CTNNA2: variants seen among roughly 807,000 people sequenced by gnomAD.
CTNNA2 encodes catenin alpha 2, also known as catenin alpha-2.
A neutral mutation model predicts 101.0 loss-of-function variants in CTNNA2; 42 were observed. The ratio of observed to expected loss-of-function variants is 0.42; its 90% CI spans 0.32 to 0.54. The LOEUF (loss-of-function observed/expected upper bound fraction) is 0.54, where lower values mean the gene tolerates loss of function less well. CTNNA2 is among the 20% of genes least tolerant of loss of function. The probability of loss-of-function intolerance (pLI) is 0.14; values close to 1 mark genes in which losing one functional copy is unlikely to be tolerated. For missense variants in CTNNA2, 871 were observed against 1,223.1 expected (o/e 0.71, Z 4.29); for synonymous variants, 450 against 456.4 (o/e 0.99, Z 0.18).
rs7564915 is a variant in CTNNA2 at position 80,226,991 on chromosome 2, T to A, written c.1057-166220T>A. The stretch of plus-strand genomic sequence containing the variant: ...GGGTATGTTATCATGGATGCTAAAC[T>A]TGGGTTAACAACAGCTTTAGGATAT... On this transcript the variant is annotated intron_variant, in intron 7 of 18. Transcript: ENST00000402739. 4.6e-5 allele frequency among the ~76,000 whole-genome samples: 7 copies of A among 152,204 alleles called. No individual in the cohort carries two copies. In the East Asian group the frequency reaches 1.4e-3, roughly 29 times the overall value.
At chr2:80,508,946 T>A (rs956540705) in intron 9 of CTNNA2, among the ~76,000 whole-genome samples, 3 of 152,208 alleles carry the variant, frequency 2.0e-5, no homozygotes, top group African/African-American at 7.2e-5. Context: ...TTCGTTTATT[T>A]GATATTCATT....
intron 7 of CTNNA2, among the ~76,000 whole-genome samples, chr2:80,087,422 G>A (rs1212600804): frequency 3.9e-5 from 6 of 152,026 alleles, no homozygotes; most frequent in Admixed American, 2.6e-4. Flanking sequence ...ACAAGGAAAC[G>A]GGTCAAACCA....
intron 3 of CTNNA2, among the ~76,000 whole-genome samples, chr2:79,857,650 G>A (rs1681243747): frequency 6.6e-6 from 1 of 152,182 alleles, no homozygotes; most frequent in South Asian, 2.1e-4. Context: ...ACTTCAATGA[G>A]TTGCATGGTA....
At chr2:80,043,014 TTTCCCTTTCTTTCTTTCTTTCTTTCC>T (rs1558754428) in intron 7 of CTNNA2, among the ~76,000 whole-genome samples, 3 of 149,408 alleles carry the variant, frequency 2.0e-5, no homozygotes, top group Non-Finnish European at 4.4e-5. Flanking sequence ...CCTTCCTTTC[TTTCCCTTTCTTTCTTTCTTTCTTTCC>T]TTCTTTCTTT....
At chr2:80,398,757 C>G (rs560291393) in intron 8 of CTNNA2, among the ~76,000 whole-genome samples, 19 of 150,618 alleles carry the variant, frequency 1.3e-4, no homozygotes, top group African/African-American at 4.4e-4. Context: ...ATCCCAGCCA[C>G]TTGGGAGGCT....
At chr2:79,613,691 T>A (rs1260691072) in intron 1 of CTNNA2, among the ~76,000 whole-genome samples, 5 of 152,196 alleles carry the variant, frequency 3.3e-5, no homozygotes, top group African/African-American at 4.8e-5. Flanking sequence ...TTGTAATTTT[T>A]AAAAATATTT....
Position 79,860,553 on chromosome 2 carries a change from T to G in CTNNA2, c.465+2374T>G, listed in dbSNP as rs564362911. On this transcript the variant is annotated intron_variant, in intron 4 of 18. Coordinates refer to ENST00000402739, the MANE Select transcript of CTNNA2 (RefSeq NM_001282597.3). ...CACAGCCGAGTAAGGGAAGTTTTTTTTTTTTTTTTTTTAACGATTTAGCAC... is the reference window on the plus strand; with the variant it reads ...CACAGCCGAGTAAGGGAAGTTTTTTGTTTTTTTTTTTTAACGATTTAGCAC... 1.2e-4 allele frequency among the ~76,000 whole-genome samples: 18 copies of G among 149,920 alleles called. No homozygotes were observed. In the East Asian group the frequency reaches 2.4e-3, roughly 20 times the overall value.
chr2:79,746,602 A>G (rs893009096), intron 3 of CTNNA2, among the ~76,000 whole-genome samples: 1 of 152,126 alleles, frequency 6.6e-6, no homozygotes, highest in Non-Finnish European at 1.5e-5. Context: ...TCTATTGTAA[A>G]GTTTCCTAGA....
At chr2:80,361,218 C>T (rs901225777) in intron 7 of CTNNA2, among the ~76,000 whole-genome samples, 8 of 152,080 alleles carry the variant, frequency 5.3e-5, no homozygotes, top group African/African-American at 1.9e-4. Flanking sequence ...ATATTCAGGC[C>T]TTCTCAGTAA....
intron 4 of CTNNA2, among the ~76,000 whole-genome samples, chr2:79,436,360 G>A (rs1678714362): frequency 1.3e-5 from 2 of 152,194 alleles, no homozygotes; most frequent in South Asian, 2.1e-4. Context: ...GCCAGGGCTG[G>A]TGTGTCTAGT....
At chr2:80,158,160 C>T (rs189726023) in intron 7 of CTNNA2, among the ~76,000 whole-genome samples, 41 of 152,268 alleles carry the variant, frequency 2.7e-4, no homozygotes, top group Admixed American at 7.2e-4. Context: ...TAATTATGAA[C>T]CAAAGAGATC....
chr2:80,285,440 C>T (rs1674681605), intron 7 of CTNNA2, among the ~76,000 whole-genome samples: 2 of 152,282 alleles, frequency 1.3e-5, no homozygotes, highest in Non-Finnish European at 2.9e-5. Context: ...TCCCTGATGA[C>T]AGTCAACTAA....
chr2:79,860,647 A>G (rs1021423902), intron 4 of CTNNA2, among the ~76,000 whole-genome samples: 2 of 150,588 alleles, frequency 1.3e-5, no homozygotes, highest in African/African-American at 4.9e-5. Flanking sequence ...AAAATTAAAA[A>G]TGATTGTAGA....
chr2:79,424,676 C>T (rs1167728078), intron 4 of CTNNA2, among the ~76,000 whole-genome samples: 1 of 152,036 alleles, frequency 6.6e-6, no homozygotes, highest in Non-Finnish European at 1.5e-5. Flanking sequence ...TTAGATCAAA[C>T]TCCAACCCTA....
At chr2:79,800,267 T>C (rs1037726091) in intron 3 of CTNNA2, among the ~76,000 whole-genome samples, 10 of 113,072 alleles carry the variant, frequency 8.8e-5, no homozygotes, top group Non-Finnish European at 1.5e-4. Context: ...GCATGTTATA[T>C]TATAAAAGAT....
intron 4 of CTNNA2, among the ~76,000 whole-genome samples, chr2:79,395,704 G>T (rs1678222594): frequency 6.6e-6 from 1 of 152,132 alleles, no homozygotes; most frequent in South Asian, 2.1e-4. Context: ...AGTTTCATCA[G>T]CTCTGGAAGG....
chr2:79,557,191 T>C (rs1674499679), intron 1 of CTNNA2, among the ~76,000 whole-genome samples: 1 of 152,028 alleles, frequency 6.6e-6, no homozygotes, highest in African/African-American at 2.4e-5. Context: ...ATACATAAAA[T>C]TAAATTATGG....
chr2:80,571,285 A>G (rs1289634143), intron 12 of CTNNA2, among the ~76,000 whole-genome samples: 1 of 152,192 alleles, frequency 6.6e-6, no homozygotes, highest in Admixed American at 6.5e-5. Context: ...GATCACAGTC[A>G]TAATGTCTGA....
chr2:79,854,038 A>G (rs1158669515), intron 3 of CTNNA2, among the ~76,000 whole-genome samples: 1 of 152,204 alleles, frequency 6.6e-6, no homozygotes, highest in Non-Finnish European at 1.5e-5. Flanking sequence ...TCTTACCTCA[A>G]GCTGATGCAC....
Sources: allele counts gnomAD v4.1 joint callset (sites outside exome capture counted in the v4.1 genomes callset), GRCh38; gene constraint gnomAD v4.1.1; transcripts MANE v1.5; gene names NCBI Gene and HGNC (gene_info 2026-07-23, HGNC 2026-07-21).